The following CHD6 variants were observed in gnomAD, a reference collection of about 807,000 sequenced individuals.
CHD6 encodes ATP-dependent chromatin remodeler CHD6.
A neutral mutation model predicts 276.9 loss-of-function variants in CHD6; 50 were observed. That is an observed-to-expected ratio of 0.18 (90% CI 0.14 to 0.23). CHD6 has a LOEUF of 0.23. CHD6 is among the 10% of genes least tolerant of loss of function. CHD6 has a pLI of 1.00. For synonymous variants in CHD6, 1,173 were observed against 1,229.3 expected, an observed-to-expected ratio of 0.95 and a Z score of 0.96; for missense variants, 2,564 against 3,365.8, an observed-to-expected ratio of 0.76 and a Z score of 5.89.
intron 1 of CHD6, among the ~76,000 whole-genome samples, chr20:41,577,845 T>C (rs1035172305): frequency 3.3e-5 from 5 of 152,248 alleles, no homozygotes; most frequent in East Asian, 1.9e-4. Flanking sequence ...CCCTTGCTAG[T>C]TGTTAGCCAC....
chr20:41,403,915 A>G lies in CHD6; in HGVS notation c.*678T>C. 1.9e-6 allele frequency: 2 copies of G among 1,055,004 alleles called. No individual in the cohort carries two copies. Among genetic ancestry groups the G allele is most frequent in the Non-Finnish European group, 2.3e-6 (2 of 872,844 alleles). 65.4% of individuals were successfully genotyped at this position (1,055,004 alleles called of 1,614,324 possible). ...ATCTTTTCACTGGTGAGAGGGATGT[A>G]TAGAAAATAATGCCTAGTCAGTCAG... On this transcript the variant is annotated 3_prime_UTR_variant, in exon 37 of 37. Transcript: ENST00000373233.
chr20:41,580,145 G>A (rs539188564), intron 1 of CHD6, among the ~76,000 whole-genome samples: 9 of 152,246 alleles, frequency 5.9e-5, no homozygotes, highest in South Asian at 4.1e-4. Context: ...GGCACTGTTC[G>A]AATGCTATAA....
At chr20:41,553,055 A>T (rs191975303) in intron 1 of CHD6, among the ~76,000 whole-genome samples, 1 of 152,244 alleles carries the variant, frequency 6.6e-6, no homozygotes, top group Non-Finnish European at 1.5e-5. Flanking sequence ...CCTAAGCTTC[A>T]TTACAGTGGA....
At position 41,473,526 on chromosome 20, in the gene CHD6, A is replaced by C. The variant is rs765196306; in HGVS notation, c.2469-9T>G. On this transcript the variant is annotated splice_polypyrimidine_tract_variant and intron_variant, in intron 16 of 36. Coordinates refer to ENST00000373233, the MANE Select transcript of CHD6 (RefSeq NM_032221.5). The surrounding 1 kb of genome is among the most constrained non-coding windows in gnomAD (Gnocchi z 4.1). ...TTCGCTCATAGGTGTATCTGAGGGG[A>C]CCCAAATGAACGAAAGCCCAGGCGT... is the stretch of plus-strand genomic sequence containing the variant. 6.2e-7 allele frequency: 1 copy of C among 1,611,614 alleles called. No homozygotes were observed.
intron 17 of CHD6, among the ~76,000 whole-genome samples, chr20:41,465,231 TAC>T (rs997945708): frequency 6.6e-5 from 10 of 152,300 alleles, no homozygotes; most frequent in Middle Eastern, 6.8e-3. Flanking sequence ...TAGAGATAAA[TAC>T]AGTTATTTTA....
chr20:41,404,296 G>C lies in CHD6; in HGVS notation c.*297C>G, dbSNP rs2046607695. Reference sequence around the variant, plus strand: ...CCTCCTCAAGTGAGTGGGAAACTTGGAAGAGAAGGGGGTAGGGCGTGTCAC... The same window carrying C: ...CCTCCTCAAGTGAGTGGGAAACTTGCAAGAGAAGGGGGTAGGGCGTGTCAC... On this transcript the variant is annotated 3_prime_UTR_variant, in exon 37 of 37. Coordinates refer to ENST00000373233, the MANE Select transcript of CHD6 (RefSeq NM_032221.5). The C allele has an allele frequency of 2.7e-6, 3 of 1,116,318 alleles. No individual in the cohort carries two copies. Among genetic ancestry groups the C allele is most frequent in the Non-Finnish European group, 3.3e-6 (3 of 913,922 alleles). The allele number at this position is 1,116,318 out of a possible 1,614,324, so 69.2% of individuals were successfully genotyped here. A position where few individuals can be genotyped will look rare whatever the true frequency, so the allele number is the denominator to read the frequency against.
chr20:41,430,378 G>T (rs1280784348), intron 27 of CHD6, among the ~76,000 whole-genome samples: 2 of 152,162 alleles, frequency 1.3e-5, no homozygotes, highest in Non-Finnish European at 2.9e-5. Context: ...ATTCTGCCAT[G>T]GCCCTCCAGT....
At chr20:41,418,325 G>A (rs2145441564) in intron 31 of CHD6, among the ~76,000 whole-genome samples, 1 of 152,264 alleles carries the variant, frequency 6.6e-6, no homozygotes, top group African/African-American at 2.4e-5. Context: ...GGGAACAAGA[G>A]GGAAGAACCT....
At chr20:41,542,310 G>A (rs1325413195) in intron 2 of CHD6, among the ~76,000 whole-genome samples, 2 of 152,046 alleles carry the variant, frequency 1.3e-5, no homozygotes, top group Non-Finnish European at 2.9e-5. Context: ...AGTAGCTTTG[G>A]GCTACCAGAG....
At position 41,417,303 on chromosome 20, in the gene CHD6, C is replaced by A; in HGVS notation, c.6174G>T (p.Ser2058=). Residue 2058 remains serine, a synonymous_variant, in exon 32 of 37, where the codon TCG becomes TCT. Coordinates refer to ENST00000373233, the MANE Select transcript of CHD6 (RefSeq NM_032221.5). ...CATCCCCAATGTCTCCTGTGATGCCCGATGTTGAGCTCTTGCTCTCCTCTT... is the reference window on the plus strand; with the variant it reads ...CATCCCCAATGTCTCCTGTGATGCCAGATGTTGAGCTCTTGCTCTCCTCTT... ...YSEEESKSST[S]GITGDIGDEL... The A allele has an allele frequency of 6.2e-7, 1 of 1,614,062 alleles. No homozygotes were observed. The highest frequency in any genetic ancestry group is 8.5e-7 in the Non-Finnish European group (1 of 1,180,014).
chr20:41,548,442 GT>G (rs1472091857), intron 2 of CHD6, among the ~76,000 whole-genome samples: 1 of 152,116 alleles, frequency 6.6e-6, no homozygotes, highest in African/African-American at 2.4e-5. Context: ...ACTAAAGAAT[GT>G]TTTGATTTAA....
At position 41,413,387 on chromosome 20, in the gene CHD6, C is replaced by G. The variant is rs2046900471; in HGVS notation, c.7068G>C (p.Lys2356Asn). ...GCTGCCTTAGCCAGTCAAGCAGACTCTTGCTGGGAATGGATTTCTCGGCTT... is the reference window on the plus strand; with the variant it reads ...GCTGCCTTAGCCAGTCAAGCAGACTGTTGCTGGGAATGGATTTCTCGGCTT... ...SSQAEKSIPS[K>N]SLLDWLRQQA... The change falls in exon 35 of 37, where the codon AAG becomes AAC. Residue 2356 changes from lysine to asparagine, a missense_variant. Physicochemically the swap from Lys to Asn is moderately conservative, Grantham distance 94. Around this residue, in one of 7 missense-constraint regions of CHD6, gnomAD observed 1,024 missense variants for 1,047.9 expected, o/e 0.98. Transcript: ENST00000373233. 1 of 1,612,134 alleles carries G rather than the reference C, an allele frequency of 6.2e-7. No individual in the cohort carries two copies. Among genetic ancestry groups the G allele is most frequent in the African/African-American group, 1.3e-5 (1 of 74,990 alleles).
intron 36 of CHD6, among the ~76,000 whole-genome samples, chr20:41,405,786 T>C (rs2046658098): frequency 6.6e-6 from 1 of 151,910 alleles, no homozygotes; most frequent in African/African-American, 2.4e-5. Flanking sequence ...TGTGAGAAGC[T>C]GGCAGAAGAG....
At chr20:41,489,541 T>C (rs2145857047) in intron 12 of CHD6, among the ~76,000 whole-genome samples, 1 of 151,860 alleles carries the variant, frequency 6.6e-6, no homozygotes, top group South Asian at 2.1e-4. Flanking sequence ...AGTCAAACTT[T>C]CAGTGTCCTA....
chr20:41,606,225 A>G (rs566293555), intron 1 of CHD6, among the ~76,000 whole-genome samples: 19 of 152,080 alleles, frequency 1.2e-4, no homozygotes, highest in Non-Finnish European at 2.6e-4. Context: ...AAAATACAAA[A>G]AACTGGCCAG....
intron 20 of CHD6, 129 bp from the exon 21 acceptor site, chr20:41,453,071 A>G (rs910722031): frequency 2.2e-5 from 15 of 694,596 alleles, no homozygotes; most frequent in Non-Finnish European, 3.8e-5. Context: ...ACGAAGGGCT[A>G]TTCCCAGCAC....
At chr20:41,446,992 C>G (rs2048090089) in intron 24 of CHD6, among the ~76,000 whole-genome samples, 1 of 152,160 alleles carries the variant, frequency 6.6e-6, no homozygotes, top group African/African-American at 2.4e-5. Flanking sequence ...CAAATTGAAC[C>G]TGTCTACCAA....
intron 1 of CHD6, among the ~76,000 whole-genome samples, chr20:41,562,684 T>C (rs1727594904): frequency 6.6e-6 from 1 of 152,106 alleles, no homozygotes; most frequent in African/African-American, 2.4e-5. Flanking sequence ...CACCTTAAAC[T>C]CAAGACGACA....
At chr20:41,520,644 G>T (rs1170636381) in intron 3 of CHD6, among the ~76,000 whole-genome samples, 1 of 138,654 alleles carries the variant, frequency 7.2e-6, no homozygotes. Flanking sequence ...CACAGGAAGG[G>T]GAACATCACA....
Sources: allele counts gnomAD v4.1 joint callset (sites outside exome capture counted in the v4.1 genomes callset), GRCh38; gene constraint gnomAD v4.1.1; regional missense constraint gnomAD v4.1.1; non-coding constraint Gnocchi (gnomAD v3.1); transcripts MANE v1.5; gene names NCBI Gene and HGNC (gene_info 2026-07-23, HGNC 2026-07-21).